The following THADA variants were observed in gnomAD, a reference collection of about 807,000 sequenced individuals.
THADA encodes the protein THADA armadillo repeat containing, also known as tRNA (32-2'-O)-methyltransferase regulator THADA.
In THADA, 213 loss-of-function variants were observed where a neutral mutation model predicts 219.8. That is an observed-to-expected ratio of 0.97 (90% CI 0.87 to 1.09). The LOEUF (loss-of-function observed/expected upper bound fraction) is 1.09, where lower values mean the gene tolerates loss of function less well. THADA is among the 50% of genes least tolerant of loss of function. The pLI, the probability that THADA is intolerant of heterozygous loss-of-function variation, is 0.00. For synonymous variants in THADA, 1,018 were observed against 828.9 expected (o/e 1.23, Z -3.92); for missense variants, 2,956 against 2,311.3 (o/e 1.28, Z -5.72).
In THADA at chr2:43,437,828, T is replaced by C. The variant is rs867244814; in HGVS notation, c.3837-7526A>G. On this transcript the variant is annotated intron_variant, in intron 26 of 37. Coordinates refer to ENST00000405975, the MANE Select transcript of THADA (RefSeq NM_022065.5). ...TAAAAATAAAAATACAGGCCACAAA[T>C]GGGGAGAACATTTGTATATATATAT... Among the ~76,000 whole-genome samples the C allele has an allele frequency of 3.3e-5, 5 of 152,162 alleles. No homozygotes were observed. In the Middle Eastern group the frequency reaches 0.01, roughly 311 times the overall value.
intron 14 of THADA, among the ~76,000 whole-genome samples, chr2:43,570,162 C>A (rs1209117445): frequency 6.6e-6 from 1 of 152,048 alleles, no homozygotes; most frequent in African/African-American, 2.4e-5. Context: ...TGAGGTTAGC[C>A]CACTAACGTC....
At chr2:43,232,228 G>C (rs1007263039) in intron 37 of THADA, among the ~76,000 whole-genome samples, 1 of 151,526 alleles carries the variant, frequency 6.6e-6, no homozygotes, top group East Asian at 1.9e-4. Context: ...GCCCAGGCTG[G>C]AGTGCAGTGG....
intron 29 of THADA, among the ~76,000 whole-genome samples, chr2:43,369,140 T>C (rs760165253): frequency 1.3e-5 from 2 of 152,166 alleles, no homozygotes; most frequent in Non-Finnish European, 2.9e-5. Context: ...CCACCAAACA[T>C]TGTTACTAAA....
intron 19 of THADA, among the ~76,000 whole-genome samples, chr2:43,550,387 T>A (rs1268320640): frequency 6.6e-6 from 1 of 152,166 alleles, no homozygotes; most frequent in Non-Finnish European, 1.5e-5. Context: ...AAAAATAAAT[T>A]TCAACAGCCA....
Position 43,551,869 on chromosome 2 carries a change from G to C in THADA, c.2867C>G (p.Ser956Cys). ...RPVVEKLLLMSYRLSTVVSPV... is the reference protein window; with the variant it reads ...RPVVEKLLLMCYRLSTVVSPV... ...AGACACCACAGTGGAAAGCCTGTAG[G>C]ACATCAAAAGGAGCTTCTCTACCAC... The change falls in exon 19 of 38, where the codon TCC becomes TGC. Residue 956 changes from serine (S) to cysteine (C), a missense_variant. Coordinates refer to ENST00000405975, the MANE Select transcript of THADA (RefSeq NM_022065.5). 1 of 1,613,832 alleles carries C rather than the reference G, an allele frequency of 6.2e-7. No individual in the cohort carries two copies. Among genetic ancestry groups the C allele is most frequent in the Non-Finnish European group, 8.5e-7 (1 of 1,179,844 alleles).
At chr2:43,468,722 A>G (rs1267931742) in intron 26 of THADA, among the ~76,000 whole-genome samples, 1 of 152,216 alleles carries the variant, frequency 6.6e-6, no homozygotes, top group African/African-American at 2.4e-5. Flanking sequence ...TTCACAAGAA[A>G]CAATACCACC....
At position 43,549,311 on chromosome 2, in the gene THADA, T is replaced by C. The variant is rs747782417; in HGVS notation, c.3005A>G (p.Asp1002Gly). 1 of 1,601,802 alleles carries C rather than the reference T, an allele frequency of 6.2e-7. No individual in the cohort carries two copies. Among genetic ancestry groups the C allele is most frequent in the Non-Finnish European group, 8.5e-7 (1 of 1,174,314 alleles). Residue 1002 changes from aspartate (D) to glycine (G), a missense_variant, in exon 20 of 38, where the codon GAT becomes GGT. Coordinates refer to ENST00000405975, the MANE Select transcript of THADA (RefSeq NM_022065.5). Reference protein sequence around the residue: ...LNEIQPRDTNDYFNQAKILKE... With the variant: ...LNEIQPRDTNGYFNQAKILKE... ...CAATATTTTGGCTTGGTTAAAATAA[T>C]CATTAGTATCTCGAGGCTGAATCTC...
intron 29 of THADA, among the ~76,000 whole-genome samples, chr2:43,345,737 C>T (rs970463944): frequency 4.6e-5 from 7 of 152,286 alleles, no homozygotes; most frequent in African/African-American, 1.4e-4. Flanking sequence ...AAACCAACCA[C>T]CAGGGCTTTT....
chr2:43,536,201 T>C (rs970682337), intron 21 of THADA, among the ~76,000 whole-genome samples: 4 of 152,196 alleles, frequency 2.6e-5, no homozygotes, highest in African/African-American at 9.6e-5. Context: ...GCACCGTTTA[T>C]TGGACAGTCC....
chr2:43,581,599 C>A, intron 8 of THADA, 142 bp downstream of exon 8: 2 of 691,932 alleles, frequency 2.9e-6, no homozygotes, highest in East Asian at 3.2e-5. Flanking sequence ...CAGGGCCTCC[C>A]TCCATTTTTG....
At chr2:43,554,699 T>C (rs1255418970) in intron 17 of THADA, among the ~76,000 whole-genome samples, 1 of 152,190 alleles carries the variant, frequency 6.6e-6, no homozygotes, top group Non-Finnish European at 1.5e-5. Context: ...AATTTGTTGG[T>C]GAGAGTGTAA....
At chr2:43,489,170 AT>A (rs759021070) in intron 25 of THADA, among the ~76,000 whole-genome samples, 30 of 151,992 alleles carry the variant, frequency 2.0e-4, no homozygotes, top group South Asian at 8.3e-4. Context: ...GTTAAGCTTT[AT>A]TTAAAAAAAA....
intron 9 of THADA, among the ~76,000 whole-genome samples, chr2:43,578,040 T>G (rs943087857): frequency 6.6e-6 from 1 of 152,182 alleles, no homozygotes; most frequent in Non-Finnish European, 1.5e-5. Flanking sequence ...TTGTTATTGT[T>G]GCTTTATCTG....
intron 35 of THADA, among the ~76,000 whole-genome samples, chr2:43,286,698 C>T (rs1406961195): frequency 6.6e-6 from 1 of 152,046 alleles, no homozygotes; most frequent in South Asian, 2.1e-4. Flanking sequence ...GCACTCCAGC[C>T]TGGGTGACAA....
chr2:43,348,208 C>T (rs1315407172), intron 29 of THADA, among the ~76,000 whole-genome samples: 2 of 152,174 alleles, frequency 1.3e-5, no homozygotes, highest in African/African-American at 4.8e-5. Context: ...CTGGCTATAG[C>T]GGCCCACCTT....
intron 36 of THADA, among the ~76,000 whole-genome samples, chr2:43,267,991 G>C (rs927684899): frequency 5.9e-5 from 9 of 152,168 alleles, no homozygotes; most frequent in African/African-American, 2.2e-4. Context: ...ACTTCAGCTG[G>C]AGGTGAGGAA....
At chr2:43,479,803 AG>A (rs1361800391) in intron 26 of THADA, among the ~76,000 whole-genome samples, 1 of 152,206 alleles carries the variant, frequency 6.6e-6, no homozygotes, top group East Asian at 1.9e-4. Context: ...GAGAACAGCG[AG>A]GGGCTCATTG....
At chr2:43,352,039 T>C (rs1363871389) in intron 29 of THADA, among the ~76,000 whole-genome samples, 1 of 152,194 alleles carries the variant, frequency 6.6e-6, no homozygotes, top group East Asian at 1.9e-4. Context: ...AACACTAACA[T>C]AATACCTGCT....
intron 36 of THADA, among the ~76,000 whole-genome samples, chr2:43,268,181 C>G (rs1172474551): frequency 1.2e-4 from 18 of 152,216 alleles, no homozygotes; most frequent in Admixed American, 1.2e-3. Context: ...GCAACGATTT[C>G]CTGGCCATTT....
Sources: allele counts gnomAD v4.1 joint callset (sites outside exome capture counted in the v4.1 genomes callset), GRCh38; gene constraint gnomAD v4.1.1; transcripts MANE v1.5; gene names NCBI Gene and HGNC (gene_info 2026-07-23, HGNC 2026-07-21).